The following PHACTR3 variants were observed in gnomAD, a reference collection of about 807,000 sequenced individuals.
PHACTR3 encodes the protein protein phosphatase 1, regulatory subunit 123.
In PHACTR3, 16 loss-of-function variants were observed where a neutral mutation model predicts 66.8. The observed-to-expected ratio is 0.24, with a 90% CI of 0.16 to 0.36. The LOEUF is 0.36. Among genes scored for constraint, PHACTR3 ranks in the 10% least tolerant of loss-of-function variants. The pLI is 1.00. For synonymous variants in PHACTR3, 323 were observed against 292.1 expected (o/e 1.11, Z -1.08); for missense variants, 647 against 719.9 (o/e 0.90, Z 1.16).
At chr20:59,811,379 C>G (rs1423517181) in intron 8 of PHACTR3, among the ~76,000 whole-genome samples, 1 of 152,200 alleles carries the variant, frequency 6.6e-6, no homozygotes, top group Non-Finnish European at 1.5e-5. Flanking sequence ...AGAATGTTGG[C>G]CGGGTCCGGT....
At chr20:59,629,829 C>T (rs1369547463) in intron 1 of PHACTR3, among the ~76,000 whole-genome samples, 2 of 152,216 alleles carry the variant, frequency 1.3e-5, no homozygotes, top group Non-Finnish European at 2.9e-5. Context: ...CCACTGTGGC[C>T]TTCCGTCTTC....
intron 12 of PHACTR3, among the ~76,000 whole-genome samples, chr20:59,846,779 CTACTATAATTTTCAA>C (rs2059158080): frequency 6.6e-6 from 1 of 152,058 alleles, no homozygotes; most frequent in Non-Finnish European, 1.5e-5. Context: ...AGTCATAACT[CTACTATAATTTTCAA>C]TAATTTATTA....
intron 7 of PHACTR3, among the ~76,000 whole-genome samples, chr20:59,799,882 C>A (rs948133629): frequency 6.6e-6 from 1 of 152,052 alleles, no homozygotes; most frequent in African/African-American, 2.4e-5. Flanking sequence ...TCTTTTCTAT[C>A]TTTCTGCTTT....
intron 8 of PHACTR3, among the ~76,000 whole-genome samples, chr20:59,816,912 T>C (rs1489634145): frequency 1.3e-5 from 2 of 152,138 alleles, no homozygotes; most frequent in African/African-American, 4.8e-5. Context: ...TGGTGGGATG[T>C]TGTGTAGTTA....
At chr20:59,607,369 A>G (rs2033706146) in intron 1 of PHACTR3, among the ~76,000 whole-genome samples, 1 of 152,032 alleles carries the variant, frequency 6.6e-6, no homozygotes, top group South Asian at 2.1e-4. Context: ...AGCCTCCCTT[A>G]TTTGTCCACC....
At chr20:59,776,919 G>C (rs1375184082) in intron 7 of PHACTR3, among the ~76,000 whole-genome samples, 1 of 152,196 alleles carries the variant, frequency 6.6e-6, no homozygotes, top group Admixed American at 6.5e-5. Context: ...CAGGTGGCCT[G>C]GTCACAGCCA....
intron 1 of PHACTR3, among the ~76,000 whole-genome samples, chr20:59,712,789 G>A (rs1196619460): frequency 1.3e-5 from 2 of 152,166 alleles, no homozygotes; most frequent in Admixed American, 6.5e-5. Context: ...TATTTAATTG[G>A]CTTGTGTTTC....
At chr20:59,682,850 G>A (rs760449924) in intron 1 of PHACTR3, among the ~76,000 whole-genome samples, 2 of 152,166 alleles carry the variant, frequency 1.3e-5, no homozygotes, top group African/African-American at 2.4e-5. Flanking sequence ...GGAGGGAGAC[G>A]GGAGAGAAGC....
intron 1 of PHACTR3, among the ~76,000 whole-genome samples, chr20:59,733,217 T>C (rs1016547804): frequency 1.3e-5 from 2 of 152,156 alleles, no homozygotes; most frequent in Non-Finnish European, 2.9e-5. Flanking sequence ...TGTTTTGTTT[T>C]TATTGATCAG....
chr20:59,801,480 A>G (rs551998356), intron 7 of PHACTR3, among the ~76,000 whole-genome samples: 49 of 152,354 alleles, frequency 3.2e-4, no homozygotes, highest in African/African-American at 1.1e-3. Context: ...GACTCAGACA[A>G]GTTTTCACAA....
intron 5 of PHACTR3, among the ~76,000 whole-genome samples, chr20:59,771,540 G>A (rs2040361003): frequency 6.8e-6 from 1 of 146,936 alleles, no homozygotes; most frequent in South Asian, 2.2e-4. Context: ...ACCTCCCCCC[G>A]ACCAGCCCAG....
rs147005502 is a variant in PHACTR3, at chr20:59,732,281, G to T, written c.119-10826G>T. 3.3e-4 allele frequency among the ~76,000 whole-genome samples: 51 copies of T among 152,298 alleles called. 1 individual carries two copies. The highest frequency in any genetic ancestry group is 1.2e-3 in the African/African-American group (50 of 41,574). On this transcript the variant is annotated intron_variant, in intron 1 of 12. Transcript: ENST00000371015. ...AGAGCAGAGAGGCTGCGGCAGACCT[G>T]CCATTTACCAGCTGTGTGACCTTGA... is the stretch of plus-strand genomic sequence containing the variant.
intron 8 of PHACTR3, among the ~76,000 whole-genome samples, chr20:59,815,035 G>A (rs1040308419): frequency 6.6e-6 from 1 of 152,272 alleles, no homozygotes; most frequent in East Asian, 1.9e-4. Flanking sequence ...CATCTCACAA[G>A]CCAGACCTTG....
chr20:59,810,617 T>C (rs1413199090), intron 8 of PHACTR3, among the ~76,000 whole-genome samples: 3 of 152,234 alleles, frequency 2.0e-5, no homozygotes, highest in African/African-American at 4.8e-5. Context: ...ATTTGCGATT[T>C]CCTTTTTTTA....
In PHACTR3 at chr20:59,581,709, G is replaced by A. The variant is rs140996829; in HGVS notation, c.109+4092G>A. Among the ~76,000 whole-genome samples, 72 of 145,142 alleles carry A rather than the reference G, an allele frequency of 5.0e-4. No homozygotes were observed. The East Asian group carries it at 5.2e-3, about 10-fold the overall frequency. On this transcript the variant is annotated intron_variant, in intron 1 of 12. Coordinates refer to the PHACTR3 transcript ENST00000359926. ...ATCCTGGCTAACACGGTGAAATCCC[G>A]TCTCTACTAAAAATGCAAAAAATTA...
intron 8 of PHACTR3, among the ~76,000 whole-genome samples, chr20:59,817,557 T>C (rs2041921427): frequency 6.6e-6 from 1 of 152,230 alleles, no homozygotes; most frequent in African/African-American, 2.4e-5. Flanking sequence ...GGGGATGGTG[T>C]CTTCACAGCT....
chr20:59,791,860 ATTGCTCAAAGGAGCCCCAGTGC>A (rs1441476062), intron 7 of PHACTR3, among the ~76,000 whole-genome samples: 1 of 151,774 alleles, frequency 6.6e-6, no homozygotes, highest in Non-Finnish European at 1.5e-5. Context: ...CTCAGTATAC[ATTGCTCAAAGGAGCCCCAGTGC>A]TACTGGTTTC....
intron 8 of PHACTR3, among the ~76,000 whole-genome samples, chr20:59,810,446 G>T (rs1418984047): frequency 6.6e-6 from 1 of 152,188 alleles, no homozygotes; most frequent in Non-Finnish European, 1.5e-5. Context: ...GGTCAGACAT[G>T]GCTTCCTGGA....
At position 59,605,052 on chromosome 20, in the gene PHACTR3, C is replaced by T; in HGVS notation, c.38C>T (p.Ser13Leu). 1 of 1,394,660 alleles carries T rather than the reference C, an allele frequency of 7.2e-7. No homozygotes were observed. The highest frequency in any genetic ancestry group is 9.4e-7 in the Non-Finnish European group (1 of 1,067,198). The allele number at this position is 1,394,660 out of a possible 1,614,324, so 86.4% of individuals were successfully genotyped here. ...ASEDGSGCLV[S>L]RGRSQSDPSV... Reference sequence around the variant, plus strand: ...GAGGACGGGAGCGGCTGCCTCGTGTCGCGGGGCCGCTCGCAGAGTGACCCC... The same window carrying T: ...GAGGACGGGAGCGGCTGCCTCGTGTTGCGGGGCCGCTCGCAGAGTGACCCC... The change falls in exon 1 of 13, where the codon TCG becomes TTG. Residue 13 changes from serine (S) to leucine (L), a missense_variant. Ser to Leu is a moderately radical substitution (Grantham distance 145). This residue lies in a region of PHACTR3 where 577 missense variants were observed against 571.1 expected (regional missense o/e 1.01). Coordinates refer to ENST00000371015, the MANE Select transcript of PHACTR3 (RefSeq NM_080672.5).
Sources: gnomAD v4.1 joint callset for allele counts (sites outside exome capture counted in the v4.1 genomes callset) on GRCh38, gnomAD v4.1.1 for gene constraint, gnomAD v4.1.1 regional missense constraint, MANE v1.5 for transcripts, NCBI Gene and HGNC (gene_info 2026-07-23, HGNC 2026-07-21) for gene names.